CSN3: variants seen among roughly 807,000 people sequenced by gnomAD.
CSN3 encodes casein kappa.
A neutral mutation model predicts 9.9 loss-of-function variants in CSN3; 7 were observed. That is an observed-to-expected ratio of 0.71 (90% CI 0.40 to 1.33). The LOEUF is 1.33. Among genes scored for constraint, CSN3 ranks in the 40% most tolerant of loss-of-function variants. The pLI, the probability that CSN3 is intolerant of heterozygous loss-of-function variation, is 0.01. For synonymous variants in CSN3, 88 were observed against 82.3 expected (o/e 1.07, Z -0.37); for missense variants, 253 against 227.9 (o/e 1.11, Z -0.71).
chr4:70,245,550 T>A (rs1730361199), intron 2 of CSN3, among the ~76,000 whole-genome samples: 1 of 152,152 alleles, frequency 6.6e-6, no homozygotes, highest in Admixed American at 6.6e-5. Context: ...ATTTTTTGAC[T>A]TGTTTTTATT....
In CSN3 at chr4:70,247,732, C is replaced by A. The variant is rs1281495247; in HGVS notation, c.55-86C>A. On this transcript the variant is annotated intron_variant, in intron 2 of 4. Coordinates refer to ENST00000304954, the Ensembl canonical transcript of CSN3. ...AAAAGAAAACATATTTTGTCTTTAA[C>A]ACAAAAGATTTTTTTAACTGATTTA... The A allele has an allele frequency of 3.5e-6, 4 of 1,135,680 alleles. No homozygotes were observed. The African/African-American group carries it at 6.5e-5, about 18-fold the overall frequency. 70.4% of individuals were successfully genotyped at this position (1,135,680 alleles called of 1,614,324 possible).
At position 70,243,184 on chromosome 4, in the gene CSN3, A is replaced by T. The variant is rs1348628716; in HGVS notation, c.-9+519A>T. The stretch of plus-strand genomic sequence containing the variant: ...ATGAGGGCAAATGCAAATGTAGCTG[A>T]TGCGCAAAGTATGGTCTTATCTCTG... On this transcript the variant is annotated intron_variant, in intron 1 of 4. Coordinates refer to ENST00000304954, the Ensembl canonical transcript of CSN3. 2.0e-5 allele frequency: 20 copies of T among 978,866 alleles called. No homozygotes were observed. In the East Asian group the frequency reaches 4.6e-4, roughly 22 times the overall value. 60.6% of individuals were successfully genotyped at this position (978,866 alleles called of 1,614,324 possible). A position where few individuals can be genotyped will look rare whatever the true frequency, so the allele number is the denominator to read the frequency against.
At chr4:70,238,829 G>A (rs1578250881), upstream of CSN3, among the ~76,000 whole-genome samples, 1 of 151,860 alleles carries the variant, frequency 6.6e-6, no homozygotes, top group East Asian at 2.0e-4. Flanking sequence ...TCACCAGATG[G>A]CCCCTGAGCC....
At chr4:70,240,598 T>C (rs1333878617), upstream of CSN3, among the ~76,000 whole-genome samples, 4 of 151,988 alleles carry the variant, frequency 2.6e-5, no homozygotes, top group Non-Finnish European at 5.9e-5. Flanking sequence ...GCAAGAGCAT[T>C]GCATAGCTCC....
At chr4:70,240,407 G>C (rs921544973), upstream of CSN3, among the ~76,000 whole-genome samples, 2 of 151,886 alleles carry the variant, frequency 1.3e-5, no homozygotes, top group African/African-American at 4.8e-5. Context: ...CCACAATCCA[G>C]GGACATTCCA....
chr4:70,242,278 TTTTTA>T (rs200342051), upstream of CSN3, among the ~76,000 whole-genome samples: 66,783 of 134,148 alleles, frequency 0.5, 19,254 homozygotes, highest in East Asian at 0.66. Context: ...CTGCATTTCT[TTTTTA>T]TTTTATTTTA....
At chr4:70,238,933 G>A (rs574532090), upstream of CSN3, among the ~76,000 whole-genome samples, 2 of 151,882 alleles carry the variant, frequency 1.3e-5, no homozygotes, top group South Asian at 4.2e-4. Flanking sequence ...AGAAGATTCT[G>A]TTTTGTTCAT....
chr4:70,242,159 T>C (rs1730283103), upstream of CSN3, among the ~76,000 whole-genome samples: 1 of 142,692 alleles, frequency 7.0e-6, no homozygotes, highest in African/African-American at 2.7e-5. Flanking sequence ...AAGAATACAA[T>C]TAATATTTTT....
intron 2 of CSN3, among the ~76,000 whole-genome samples, chr4:70,246,964 C>A (rs1730390112): frequency 1.3e-5 from 2 of 151,814 alleles, no homozygotes; most frequent in African/African-American, 4.8e-5. Context: ...AGACATGTGC[C>A]CGGCCTCATA....
chr4:70,249,566 A>C (rs375519684), intron 4 of CSN3, 73 bp downstream of exon 4: 1 of 859,100 alleles, frequency 1.2e-6, no homozygotes, highest in African/African-American at 1.7e-5. Flanking sequence ...ATAAATTCTA[A>C]AATAGTACAA....
upstream of CSN3, among the ~76,000 whole-genome samples, chr4:70,239,095 G>A (rs1264650390): frequency 6.6e-6 from 1 of 151,800 alleles, no homozygotes; most frequent in Admixed American, 6.6e-5. Context: ...ATTAAAGATA[G>A]AGGGAGAAAA....
chr4:70,250,009 T>A (rs915852411), intron 4 of CSN3, among the ~76,000 whole-genome samples: 4 of 152,184 alleles, frequency 2.6e-5, no homozygotes, highest in Admixed American at 6.5e-5. Context: ...AAATGATTCA[T>A]GAAGTTAAGC....
At chr4:70,247,280 C>T (rs1188543894) in intron 2 of CSN3, among the ~76,000 whole-genome samples, 1 of 151,974 alleles carries the variant, frequency 6.6e-6, no homozygotes, top group Non-Finnish European at 1.5e-5. Context: ...CTAAATATGT[C>T]ACAATCCAAA....
At chr4:70,240,526 G>A (rs1730253088), upstream of CSN3, among the ~76,000 whole-genome samples, 1 of 151,950 alleles carries the variant, frequency 6.6e-6, no homozygotes, top group Non-Finnish European at 1.5e-5. Context: ...CACCATCGCA[G>A]CTTCCTTGGA....
chr4:70,239,472 T>A (rs570197786), upstream of CSN3, among the ~76,000 whole-genome samples: 2 of 152,036 alleles, frequency 1.3e-5, no homozygotes, highest in South Asian at 2.1e-4. Flanking sequence ...CATAAATTGA[T>A]TATCCCTTGT....
At chr4:70,249,973 T>C (rs1461546692) in intron 4 of CSN3, among the ~76,000 whole-genome samples, 1 of 152,226 alleles carries the variant, frequency 6.6e-6, no homozygotes, top group African/African-American at 2.4e-5. Context: ...CTTCCATGCA[T>C]TTCTTTATTT....
intron 1 of CSN3, among the ~76,000 whole-genome samples, chr4:70,244,472 C>A (rs1730334868): frequency 6.6e-6 from 1 of 151,898 alleles, no homozygotes; most frequent in Admixed American, 6.6e-5. Context: ...TACTTTTTTT[C>A]CCTCTTACAG....
chr4:70,249,760 C>T (rs1730449719), intron 4 of CSN3, among the ~76,000 whole-genome samples: 1 of 152,120 alleles, frequency 6.6e-6, no homozygotes, highest in Non-Finnish European at 1.5e-5. Flanking sequence ...TTGGGACACT[C>T]TTAGAATGTA....
exon 4 of CSN3, chr4:70,249,316 A>G (rs777129939): frequency 2.2e-5 from 36 of 1,613,838 alleles, no homozygotes; most frequent in Non-Finnish European, 3.1e-5. Flanking sequence ...TACCATCAAT[A>G]CCATTGCTAC....
Sources: gnomAD v4.1 joint callset for allele counts (sites outside exome capture counted in the v4.1 genomes callset) on GRCh38, gnomAD v4.1.1 for gene constraint, MANE v1.5 for transcripts, NCBI Gene and HGNC (gene_info 2026-07-23, HGNC 2026-07-21) for gene names.